USP12: variants seen among roughly 807,000 people sequenced by gnomAD.
USP12 encodes ubiquitin carboxyl-terminal hydrolase 12.
USP12 carries 19 observed loss-of-function variants against 45.5 expected under a neutral mutation model. That is an observed-to-expected ratio of 0.42 (90% CI 0.29 to 0.61). The LOEUF is 0.61. Ranked by LOEUF, USP12 falls within the 20% of genes least tolerant of loss-of-function variation. USP12 has a pLI of 0.22. For synonymous variants in USP12, 149 were observed against 148.8 expected (o/e 1.00, Z -0.01); for missense variants, 242 against 447.7 (o/e 0.54, Z 4.15).
At chr13:27,154,684 C>G (rs770466557) in intron 1 of USP12, among the ~76,000 whole-genome samples, 3 of 152,106 alleles carry the variant, frequency 2.0e-5, no homozygotes, top group Non-Finnish European at 2.9e-5. Context: ...AGAAAAATAA[C>G]TGCCTCCCTC....
At chr13:27,151,028 C>T (rs933549104) in intron 1 of USP12, among the ~76,000 whole-genome samples, 7 of 151,974 alleles carry the variant, frequency 4.6e-5, no homozygotes, top group East Asian at 1.9e-4. Flanking sequence ...AAAGCATGAA[C>T]GACAAAAGAA....
chr13:27,132,150 C>T (rs915198932), intron 1 of USP12, among the ~76,000 whole-genome samples: 2 of 152,210 alleles, frequency 1.3e-5, no homozygotes, highest in Admixed American at 1.3e-4. Flanking sequence ...CTCCCAGCCA[C>T]TTACTCATAT....
chr13:27,092,512 A>G (rs1489191790), intron 4 of USP12, among the ~76,000 whole-genome samples: 1 of 152,230 alleles, frequency 6.6e-6, no homozygotes, highest in Admixed American at 6.5e-5. Flanking sequence ...TGGGGAAAGA[A>G]CAGATATACG....
intron 6 of USP12, among the ~76,000 whole-genome samples, chr13:27,081,036 C>T (rs539201066): frequency 9.7e-5 from 11 of 113,222 alleles, no homozygotes; most frequent in Non-Finnish European, 1.6e-4. Flanking sequence ...TTTTTTGAGA[C>T]GGAGTCTTGC....
intron 3 of USP12, among the ~76,000 whole-genome samples, 193 bp from the exon 4 acceptor site, chr13:27,096,023 A>G (rs1158578008): frequency 6.6e-6 from 1 of 152,226 alleles, no homozygotes; most frequent in Non-Finnish European, 1.5e-5. Context: ...ATTAATTAAA[A>G]TCTTGTTTAA....
At chr13:27,111,255 T>C (rs1875431516) in intron 2 of USP12, among the ~76,000 whole-genome samples, 1 of 152,224 alleles carries the variant, frequency 6.6e-6, no homozygotes, top group Admixed American at 6.5e-5. Flanking sequence ...TTTCCTTCAA[T>C]TTTCTTGATT....
At chr13:27,153,161 GTC>G (rs891785263) in intron 1 of USP12, among the ~76,000 whole-genome samples, 1 of 151,830 alleles carries the variant, frequency 6.6e-6, no homozygotes, top group Non-Finnish European at 1.5e-5. Context: ...GCGAAACCCT[GTC>G]TCTACTAAAA....
intron 1 of USP12, among the ~76,000 whole-genome samples, chr13:27,155,354 C>T (rs189159636): frequency 8.0e-4 from 122 of 152,024 alleles, no homozygotes; most frequent in African/African-American, 2.5e-3. Flanking sequence ...GTGCTGGGAT[C>T]ACAGGTGTGA....
chr13:27,139,564 C>T (rs112294741), intron 1 of USP12, among the ~76,000 whole-genome samples: 21 of 152,072 alleles, frequency 1.4e-4, no homozygotes, highest in East Asian at 1.9e-4. Flanking sequence ...TGCAGTGAGC[C>T]GAGATCGCGC....
chr13:27,085,061 T>A (rs1039450124), intron 6 of USP12, among the ~76,000 whole-genome samples: 7 of 152,226 alleles, frequency 4.6e-5, no homozygotes, highest in Non-Finnish European at 8.8e-5. Flanking sequence ...TTTCTTTCAG[T>A]AACATCTTAT....
chr13:27,112,045 G>C (rs1166193303), intron 2 of USP12, among the ~76,000 whole-genome samples: 1 of 152,132 alleles, frequency 6.6e-6, no homozygotes, highest in Non-Finnish European at 1.5e-5. Context: ...TTTAGGAAAT[G>C]CCTGCCTTGA....
chr13:27,086,156 A>G (rs1874000135), intron 6 of USP12, among the ~76,000 whole-genome samples: 2 of 129,848 alleles, frequency 1.5e-5, no homozygotes, highest in Admixed American at 8.5e-5. Context: ...GGTGACAGAG[A>G]GAGATCTTTT....
chr13:27,120,961 C>T (rs1329926588), intron 1 of USP12, among the ~76,000 whole-genome samples: 6 of 152,200 alleles, frequency 3.9e-5, no homozygotes, highest in African/African-American at 1.4e-4. Flanking sequence ...CAAAGACTTC[C>T]CACTGCTGGT....
At chr13:27,091,841 C>T (rs982967040) in intron 4 of USP12, among the ~76,000 whole-genome samples, 2 of 152,184 alleles carry the variant, frequency 1.3e-5, no homozygotes, top group Non-Finnish European at 2.9e-5. Flanking sequence ...CAGCTTCCTA[C>T]CACCTGAGAC....
Position 27,089,266 on chromosome 13 carries a change from A to G in USP12, c.734+617T>C, listed in dbSNP as rs566036419. Among the ~76,000 whole-genome samples the G allele has an allele frequency of 3.3e-5, 5 of 152,362 alleles. No individual in the cohort carries two copies. The South Asian group carries it at 1.0e-3, about 32-fold the overall frequency. ...ACTTTCTGGATTTGGATGGATGTGC[A>G]CACATAGGAAAACGTCCCTGTTGCT... On this transcript the variant is annotated intron_variant, in intron 6 of 8. Transcript: ENST00000282344.
chr13:27,113,896 A>C (rs1468527112), intron 2 of USP12, among the ~76,000 whole-genome samples: 2 of 152,254 alleles, frequency 1.3e-5, no homozygotes, highest in Non-Finnish European at 2.9e-5. Flanking sequence ...AATGAACTTT[A>C]TAACCCAAAA....
intron 7 of USP12, among the ~76,000 whole-genome samples, chr13:27,073,910 C>T (rs975808151): frequency 4.6e-5 from 7 of 152,156 alleles, no homozygotes; most frequent in African/African-American, 1.7e-4. Context: ...TCTGAAAACC[C>T]GGTCTGAATC....
chr13:27,111,050 C>A (rs1462338513), intron 2 of USP12, among the ~76,000 whole-genome samples: 1 of 152,192 alleles, frequency 6.6e-6, no homozygotes, highest in Non-Finnish European at 1.5e-5. Context: ...GTCAGGCTCA[C>A]ACTTCTGTCC....
intron 2 of USP12, among the ~76,000 whole-genome samples, chr13:27,115,055 T>C (rs988527887): frequency 3.9e-5 from 6 of 152,172 alleles, no homozygotes; most frequent in South Asian, 2.1e-4. Flanking sequence ...CAACCTTTAA[T>C]AGTTGGAGCT....
Sources: gnomAD v4.1 joint callset for allele counts (sites outside exome capture counted in the v4.1 genomes callset) on GRCh38, gnomAD v4.1.1 for gene constraint, MANE v1.5 for transcripts, NCBI Gene and HGNC (gene_info 2026-07-23, HGNC 2026-07-21) for gene names.